Variants in EP300 observed in about 807,000 individuals in gnomAD.
EP300 encodes the protein EP300 lysine acetyltransferase, also known as histone acetyltransferase p300.
In EP300, 31 loss-of-function variants were observed where a neutral mutation model predicts 264.0. The ratio of observed to expected loss-of-function variants is 0.12; its 90% confidence interval spans 0.09 to 0.16. The LOEUF is 0.16. Among genes scored for constraint, EP300 ranks in the 10% least tolerant of loss-of-function variants. The pLI, the probability that EP300 is intolerant of heterozygous loss-of-function variation, is 1.00. For synonymous variants in EP300, 1,340 were observed against 1,045.4 expected, an observed-to-expected ratio of 1.28 and a Z score of -5.44; for missense variants, 2,766 against 3,052.9, an observed-to-expected ratio of 0.91 and a Z score of 2.21.
chr22:41,126,732 T>C (rs2058884822), intron 3 of EP300, among the ~76,000 whole-genome samples: 1 of 52,646 alleles, frequency 1.9e-5, no homozygotes, highest in African/African-American at 7.3e-5. Context: ...ATGTTCACTT[T>C]TTTTTTTTTT....
At chr22:41,101,237 G>A (rs1400886561) in intron 1 of EP300, among the ~76,000 whole-genome samples, 3 of 151,844 alleles carry the variant, frequency 2.0e-5, no homozygotes, top group African/African-American at 4.8e-5. Context: ...ACCATGCCTG[G>A]CTAATGTTTG....
At chr22:41,167,892 G>A (rs571989815) in intron 23 of EP300, among the ~76,000 whole-genome samples, 102 of 117,224 alleles carry the variant, frequency 8.7e-4, no homozygotes, top group Non-Finnish European at 1.5e-3. Flanking sequence ...CGCAGTCTCA[G>A]CTCACTGCAG....
At chr22:41,143,169 G>A (rs535147400) in intron 10 of EP300, among the ~76,000 whole-genome samples, 17 of 152,072 alleles carry the variant, frequency 1.1e-4, no homozygotes, top group Non-Finnish European at 2.5e-4. Context: ...CATAAAAGTG[G>A]TCGGGCATGG....
chr22:41,114,722 G>A (rs2058811949), intron 1 of EP300, among the ~76,000 whole-genome samples: 1 of 152,016 alleles, frequency 6.6e-6, no homozygotes, highest in South Asian at 2.1e-4. Flanking sequence ...GGAGTGAGGG[G>A]TGGTCACAAG....
chr22:41,105,336 G>A (rs2058753031), intron 1 of EP300, among the ~76,000 whole-genome samples: 1 of 147,124 alleles, frequency 6.8e-6, no homozygotes, highest in Admixed American at 6.9e-5. Context: ...CCTGGGCCAC[G>A]AGAGTGAAAC....
At chr22:41,096,097 T>A (rs1226900054) in intron 1 of EP300, among the ~76,000 whole-genome samples, 1 of 152,208 alleles carries the variant, frequency 6.6e-6, no homozygotes, top group East Asian at 1.9e-4. Flanking sequence ...AATTTTTATT[T>A]CATTTGGTAT....
At chr22:41,115,901 C>G (rs2058818223) in intron 1 of EP300, among the ~76,000 whole-genome samples, 1 of 152,180 alleles carries the variant, frequency 6.6e-6, no homozygotes, top group South Asian at 2.1e-4. Flanking sequence ...GTGGATAGCC[C>G]TCTGCTTAAC....
At chr22:41,114,220 C>T (rs2058809417) in intron 1 of EP300, among the ~76,000 whole-genome samples, 2 of 152,130 alleles carry the variant, frequency 1.3e-5, no homozygotes, top group Admixed American at 6.6e-5. Context: ...CTCGCTCTGT[C>T]ACCCAGGCTA....
chr22:41,105,596 A>G (rs1479746735), intron 1 of EP300, among the ~76,000 whole-genome samples: 3 of 152,040 alleles, frequency 2.0e-5, no homozygotes, highest in African/African-American at 4.8e-5. Context: ...ATGGGGTTTC[A>G]CTATGTTGGC....
chr22:41,131,632 G>A lies in EP300; in HGVS notation c.1527G>A (p.Met509Ile). The change falls in exon 6 of 31, where the codon ATG becomes ATA. Residue 509 changes from methionine to isoleucine, a missense_variant and splice_region_variant. By Grantham distance (10) the Met-to-Ile change is conservative. Coordinates refer to ENST00000263253, the MANE Select transcript of EP300 (RefSeq NM_001429.4). ...AAGGCATGCGGCCCATGAGCAACAT[G>A]AGTAAGTTTGTGTCATCCTAATAAC... is the stretch of plus-strand genomic sequence containing the variant. ...SPQGMRPMSN[M>I]SASPMGVNGG... 6.2e-7 allele frequency: 1 copy of A among 1,614,088 alleles called. No individual in the cohort carries two copies. Among genetic ancestry groups the A allele is most frequent in the South Asian group, 1.1e-5 (1 of 91,070 alleles).
At chr22:41,138,999 G>C (rs965261858) in intron 8 of EP300, among the ~76,000 whole-genome samples, 1 of 152,030 alleles carries the variant, frequency 6.6e-6, no homozygotes, top group African/African-American at 2.4e-5. Context: ...GCCCAGGCTG[G>C]AGTGCAGTGT....
intron 8 of EP300, among the ~76,000 whole-genome samples, 175 bp from the exon 9 acceptor site, chr22:41,139,965 A>T (rs1023699990): frequency 1.3e-5 from 2 of 152,218 alleles, no homozygotes; most frequent in African/African-American, 2.4e-5. Context: ...TGTGAACGGA[A>T]ATATAGACAA....
At chr22:41,094,542 G>A (rs983532388) in intron 1 of EP300, among the ~76,000 whole-genome samples, 4 of 152,196 alleles carry the variant, frequency 2.6e-5, no homozygotes, top group Non-Finnish European at 5.9e-5. Context: ...CCTATTCTAT[G>A]AAGGTACTGT....
chr22:41,147,598 T>C (rs1008599538), intron 11 of EP300, among the ~76,000 whole-genome samples: 2 of 151,894 alleles, frequency 1.3e-5, no homozygotes, highest in Non-Finnish European at 2.9e-5. Flanking sequence ...ATTAGCTGGG[T>C]GTGGTGGCGG....
chr22:41,177,876 G>A lies in EP300; in HGVS notation c.6165G>A (p.Leu2055=), dbSNP rs2059211682. ...TVSQQALQNL[L]RTLRSPSSPL... is the part of the protein sequence containing the mutation. ...CTCAACAAGCCTTACAAAACCTTTTGCGGACTCTCAGGTCTCCCAGCTCTC... is the reference window on the plus strand; with the variant it reads ...CTCAACAAGCCTTACAAAACCTTTTACGGACTCTCAGGTCTCCCAGCTCTC... The change falls in exon 31 of 31, where the codon TTG becomes TTA. Residue 2055 remains leucine, a synonymous_variant. Transcript: ENST00000263253. 1 of 1,614,174 alleles carries A rather than the reference G, an allele frequency of 6.2e-7. No homozygotes were observed. Among genetic ancestry groups the A allele is most frequent in the Non-Finnish European group, 8.5e-7 (1 of 1,180,024 alleles).
chr22:41,117,742 A>C lies in EP300; in HGVS notation c.650A>C (p.Asn217Thr), dbSNP rs139130083. ...AACCCAGGCATGGGAAGTGCTGGCA[A>C]CTTACTGACTGAGCCTCTTCAGCAG... is the stretch of plus-strand genomic sequence containing the variant. ...YPNPGMGSAG[N>T]LLTEPLQQGS... Residue 217 changes from asparagine to threonine, a missense_variant, in exon 2 of 31, where the codon AAC becomes ACC. Physicochemically the swap from Asn to Thr is moderately conservative, Grantham distance 65 (BLOSUM62 0). Transcript: ENST00000263253. 2 of 1,614,260 alleles carry C rather than the reference A, an allele frequency of 1.2e-6. No homozygotes were observed. The highest frequency in any genetic ancestry group is 4.5e-5 in the East Asian group (2 of 44,888).
intron 6 of EP300, among the ~76,000 whole-genome samples, chr22:41,133,013 GTAGT>G (rs1173938194): frequency 1.3e-5 from 2 of 152,160 alleles, no homozygotes; most frequent in Non-Finnish European, 2.9e-5. Context: ...TTTTGTTTGA[GTAGT>G]TAGACATCCA....
At chr22:41,163,206 C>T (rs1488289411) in intron 21 of EP300, among the ~76,000 whole-genome samples, 3 of 151,394 alleles carry the variant, frequency 2.0e-5, no homozygotes, top group African/African-American at 4.8e-5. Flanking sequence ...GAGGCCGAGG[C>T]GGGCAGATCA....
chr22:41,146,639 G>A lies in EP300; in HGVS notation c.2054-100G>A, dbSNP rs950027368. 6 of 971,772 alleles carry A rather than the reference G, an allele frequency of 6.2e-6. No individual in the cohort carries two copies. The Admixed American group carries it at 1.1e-4, about 18-fold the overall frequency. The allele number at this position is 971,772 out of a possible 1,614,324, so 60.2% of individuals were successfully genotyped here. A position where few individuals can be genotyped will look rare whatever the true frequency, so the allele number is the denominator to read the frequency against. ...TGTGATTCATACTCAATTTTCAAAG[G>A]TATTATTAAAAATATTTTGTGGGGT... On this transcript the variant is annotated intron_variant, in intron 10 of 30. Transcript: ENST00000263253.
Sources: gnomAD v4.1 joint callset for allele counts (sites outside exome capture counted in the v4.1 genomes callset) on GRCh38, gnomAD v4.1.1 for gene constraint, MANE v1.5 for transcripts, NCBI Gene and HGNC (gene_info 2026-07-23, HGNC 2026-07-21) for gene names.